MSH4: variants seen among roughly 807,000 people sequenced by gnomAD.
MSH4 encodes the protein mutS protein homolog 4.
Under a neutral mutation model 113.7 loss-of-function variants are expected in MSH4, and 106 were observed. That is an observed-to-expected ratio of 0.93 (90% CI 0.80 to 1.10). The LOEUF (loss-of-function observed/expected upper bound fraction) is 1.10. Ranked by LOEUF, MSH4 falls within the 50% of genes least tolerant of loss-of-function variation. The probability of loss-of-function intolerance (pLI) is 0.00; values close to 1 mark genes in which losing one functional copy is unlikely to be tolerated. For synonymous variants in MSH4, 368 were observed against 380.2 expected (o/e 0.97, Z 0.37); for missense variants, 1,061 against 1,093.7 (o/e 0.97, Z 0.42).
intron 8 of MSH4, among the ~76,000 whole-genome samples, chr1:75,850,226 T>C (rs1181195851): frequency 6.6e-6 from 1 of 152,102 alleles, no homozygotes; most frequent in Non-Finnish European, 1.5e-5. Context: ...TTTTTTGAGG[T>C]TGTAAAGGAG....
At chr1:75,875,490 TC>T (rs1651799882) in intron 9 of MSH4, among the ~76,000 whole-genome samples, 1 of 152,144 alleles carries the variant, frequency 6.6e-6, no homozygotes, top group African/African-American at 2.4e-5. Flanking sequence ...AAGAGAAATT[TC>T]TATGACAAAA....
intron 7 of MSH4, among the ~76,000 whole-genome samples, chr1:75,828,377 A>C (rs1242105575): frequency 6.6e-6 from 1 of 152,228 alleles, no homozygotes; most frequent in Non-Finnish European, 1.5e-5. Flanking sequence ...TTGCAACATT[A>C]TTCACGGCAG....
intron 19 of MSH4, among the ~76,000 whole-genome samples, chr1:75,905,134 G>A (rs1054190950): frequency 2.9e-5 from 4 of 139,230 alleles, no homozygotes; most frequent in African/African-American, 5.4e-5. Flanking sequence ...GAAGTACCAC[G>A]TTAGGTTGTT....
At chr1:75,848,596 G>C (rs1651123829) in intron 8 of MSH4, among the ~76,000 whole-genome samples, 1 of 152,064 alleles carries the variant, frequency 6.6e-6, no homozygotes, top group Admixed American at 6.6e-5. Context: ...AAATTAGCTG[G>C]GCATGCTGTT....
chr1:75,823,186 C>T (rs182406001), intron 7 of MSH4, among the ~76,000 whole-genome samples: 1 of 152,286 alleles, frequency 6.6e-6, no homozygotes, highest in African/African-American at 2.4e-5. Flanking sequence ...GGTTTTCTCC[C>T]TGCGTGTCTT....
chr1:75,850,786 C>T (rs1651169380), intron 8 of MSH4, among the ~76,000 whole-genome samples: 1 of 152,004 alleles, frequency 6.6e-6, no homozygotes, highest in Non-Finnish European at 1.5e-5. Context: ...GTGTCAAAAT[C>T]TCCAAATGTA....
chr1:75,877,085 C>T (rs9787328), intron 10 of MSH4, 85 bp downstream of exon 10: 1 of 824,562 alleles, frequency 1.2e-6, no homozygotes, highest in Admixed American at 3.0e-5. Context: ...TAATTGTATT[C>T]TATGGAACAA....
At chr1:75,871,906 T>G (rs1017552334) in intron 9 of MSH4, among the ~76,000 whole-genome samples, 5 of 152,212 alleles carry the variant, frequency 3.3e-5, no homozygotes, top group South Asian at 4.1e-4. Flanking sequence ...TTATTAAACA[T>G]TTTTGCCTTG....
At chr1:75,906,206 G>C (rs1652626516) in intron 19 of MSH4, among the ~76,000 whole-genome samples, 1 of 150,954 alleles carries the variant, frequency 6.6e-6, no homozygotes, top group Non-Finnish European at 1.5e-5. Context: ...GTCCATGCTG[G>C]TCTTGAACTC....
At chr1:75,806,449 G>A (rs1650066270) in intron 2 of MSH4, among the ~76,000 whole-genome samples, 1 of 151,712 alleles carries the variant, frequency 6.6e-6, no homozygotes, top group Non-Finnish European at 1.5e-5. Flanking sequence ...GGGTTTCACC[G>A]TGTTAGCCAG....
At chr1:75,889,599 T>C (rs1652205380) in intron 16 of MSH4, among the ~76,000 whole-genome samples, 1 of 152,134 alleles carries the variant, frequency 6.6e-6, no homozygotes, top group Non-Finnish European at 1.5e-5. Flanking sequence ...TATTAAGTAA[T>C]AAAAGTGTGC....
In MSH4 at chr1:75,905,207, C is replaced by G. The variant is rs561293704; in HGVS notation, c.2619+5501C>G. On this transcript the variant is annotated intron_variant, in intron 19 of 19. Coordinates refer to ENST00000263187, the MANE Select transcript of MSH4 (RefSeq NM_002440.4). ...GGTGTTTATTGCTATAAACGTTTCT[C>G]TTAGCAATATGTTGCTGTATGTCAT... 6.7e-5 allele frequency among the ~76,000 whole-genome samples: 10 copies of G among 149,734 alleles called. No homozygotes were observed. In the South Asian group the frequency reaches 2.1e-3, roughly 32 times the overall value.
chr1:75,874,702 CGTG>C (rs1651780127), intron 9 of MSH4, among the ~76,000 whole-genome samples: 1 of 152,030 alleles, frequency 6.6e-6, no homozygotes, highest in Admixed American at 6.6e-5. Context: ...TTACTAAAGA[CGTG>C]GTTGTGCATG....
At chr1:75,881,423 T>C in intron 14 of MSH4, 53 bp downstream of exon 14, 2 of 1,557,334 alleles carry the variant, frequency 1.3e-6, no homozygotes, top group South Asian at 2.3e-5. Context: ...TTGTATTCGA[T>C]TCAAACAATT....
chr1:75,913,075 T>A lies in MSH4; in HGVS notation c.*188T>A, dbSNP rs1652823915. ...TTATTATAACTTAACAAATGAGAACTACTTAAAGGAATGGTTTTTATGTTA... is the reference window on the plus strand; with the variant it reads ...TTATTATAACTTAACAAATGAGAACAACTTAAAGGAATGGTTTTTATGTTA... On this transcript the variant is annotated 3_prime_UTR_variant, in exon 20 of 20. Transcript: ENST00000263187. The A allele has an allele frequency of 3.2e-6, 1 of 307,742 alleles. No homozygotes were observed. Among genetic ancestry groups the A allele is most frequent in the Non-Finnish European group, 5.8e-6 (1 of 172,824 alleles). The allele number at this position is 307,742 out of a possible 1,614,324, so 19.1% of individuals were successfully genotyped here.
At chr1:75,874,920 T>C (rs1651784519) in intron 9 of MSH4, among the ~76,000 whole-genome samples, 1 of 152,056 alleles carries the variant, frequency 6.6e-6, no homozygotes, top group South Asian at 2.1e-4. Context: ...TGAGATGGGG[T>C]CTCACTCTGT....
rs558417622 is a variant in MSH4, at chr1:75,827,486, A to C, written c.1162+4905A>C. Among the ~76,000 whole-genome samples, 25 of 152,278 alleles carry C rather than the reference A, an allele frequency of 1.6e-4. No individual in the cohort carries two copies. The South Asian group carries it at 5.2e-3, about 32-fold the overall frequency. ...TGATAGGATCAAATTCACACATAAC[A>C]ATATTAACCTTAAATGTAAATGGGC... is the stretch of plus-strand genomic sequence containing the variant. On this transcript the variant is annotated intron_variant, in intron 7 of 19. Transcript: ENST00000263187.
intron 7 of MSH4, among the ~76,000 whole-genome samples, chr1:75,838,270 A>G (rs563320400): frequency 2.0e-5 from 3 of 152,214 alleles, no homozygotes; most frequent in African/African-American, 4.8e-5. Flanking sequence ...CTTTAAAGCC[A>G]GAAGTAGATC....
At chr1:75,806,022 T>C (rs970639663) in intron 2 of MSH4, among the ~76,000 whole-genome samples, 9 of 152,014 alleles carry the variant, frequency 5.9e-5, no homozygotes, top group African/African-American at 1.9e-4. Flanking sequence ...AGTTGTAAAA[T>C]ACTACCTGAG....
Sources: allele counts gnomAD v4.1 joint callset (sites outside exome capture counted in the v4.1 genomes callset), GRCh38; gene constraint gnomAD v4.1.1; transcripts MANE v1.5; gene names NCBI Gene and HGNC (gene_info 2026-07-23, HGNC 2026-07-21).